The following NELL1 variants were observed in gnomAD, a reference collection of about 807,000 sequenced individuals.
NELL1 encodes the protein protein kinase C-binding protein NELL1.
In NELL1, 76 loss-of-function variants were observed where a neutral mutation model predicts 107.4. The ratio of observed to expected loss-of-function variants is 0.71; its 90% CI spans 0.59 to 0.86. The LOEUF (loss-of-function observed/expected upper bound fraction) is 0.86, where lower values mean the gene tolerates loss of function less well. Among genes scored for constraint, NELL1 ranks in the 40% least tolerant of loss-of-function variants. NELL1 has a pLI of 0.00. For synonymous variants in NELL1, 353 were observed against 341.2 expected (o/e 1.03, Z -0.38); for missense variants, 1,024 against 1,005.5 (o/e 1.02, Z -0.25).
chr11:21,401,514 G>T (rs58178355), intron 15 of NELL1, among the ~76,000 whole-genome samples: 4,900 of 151,806 alleles, frequency 0.032, 324 homozygotes, highest in African/African-American at 0.11. Flanking sequence ...GTTATAACAC[G>T]TTTCCTGTAG....
At chr11:20,701,337 C>T (rs1264881520) in intron 2 of NELL1, among the ~76,000 whole-genome samples, 2 of 152,058 alleles carry the variant, frequency 1.3e-5, no homozygotes, top group Non-Finnish European at 2.9e-5. Context: ...ATATACTTTG[C>T]CCACTTTTTG....
In NELL1 at chr11:21,192,163, G is replaced by T. The variant is rs996569631; in HGVS notation, c.1427-37169G>T. ...CAGGGATGTGTGTTATCTTTTAATT[G>T]CAGCCTTTGCTTATAATGTCTGAAT... On this transcript the variant is annotated intron_variant, in intron 13 of 19. Coordinates refer to ENST00000357134, the MANE Select transcript of NELL1 (RefSeq NM_006157.5). 2.0e-5 allele frequency among the ~76,000 whole-genome samples: 3 copies of T among 151,546 alleles called. No individual in the cohort carries two copies. The East Asian group carries it at 5.8e-4, about 29-fold the overall frequency.
At chr11:21,293,002 A>G (rs1849304319) in intron 14 of NELL1, among the ~76,000 whole-genome samples, 1 of 152,228 alleles carries the variant, frequency 6.6e-6, no homozygotes, top group Non-Finnish European at 1.5e-5. Flanking sequence ...AATACCATTC[A>G]GGACATAGGC....
chr11:20,833,783 A>T (rs918610989), intron 3 of NELL1, among the ~76,000 whole-genome samples: 15 of 152,162 alleles, frequency 9.9e-5, no homozygotes, highest in African/African-American at 3.4e-4. Flanking sequence ...AAATAATGGG[A>T]TAAGAGCCTT....
intron 15 of NELL1, among the ~76,000 whole-genome samples, chr11:21,489,579 G>A (rs886395445): frequency 2.6e-5 from 4 of 151,712 alleles, no homozygotes; most frequent in East Asian, 1.9e-4. Context: ...CCAACAGTAC[G>A]TGAAAAGGAA....
chr11:20,977,961 T>C (rs571478200), intron 12 of NELL1, among the ~76,000 whole-genome samples: 89 of 152,350 alleles, frequency 5.8e-4, no homozygotes, highest in African/African-American at 1.9e-3. Context: ...GAGACTTGCC[T>C]GAGGTCATCT....
chr11:21,122,106 G>T (rs1855380225), intron 13 of NELL1, among the ~76,000 whole-genome samples: 2 of 152,150 alleles, frequency 1.3e-5, no homozygotes, highest in South Asian at 4.1e-4. Flanking sequence ...TGTTATAAAG[G>T]ACCTGAACCA....
chr11:20,756,516 ATTTTTT>A (rs753445309), intron 2 of NELL1, among the ~76,000 whole-genome samples: 2 of 97,326 alleles, frequency 2.1e-5, no homozygotes, highest in Non-Finnish European at 4.1e-5. Context: ...ATTTTTTGTA[ATTTTTT>A]TTTTTTTTTT....
intron 2 of NELL1, among the ~76,000 whole-genome samples, chr11:20,729,821 T>C (rs1312539403): frequency 6.6e-6 from 1 of 152,146 alleles, no homozygotes; most frequent in Non-Finnish European, 1.5e-5. Context: ...TCTCTTCTGC[T>C]GTGGCGGTTG....
In NELL1 at chr11:21,163,733, G is replaced by C. The variant is rs556146517; in HGVS notation, c.1426+50019G>C. 2.6e-5 allele frequency among the ~76,000 whole-genome samples: 4 copies of C among 152,192 alleles called. No homozygotes were observed. In the South Asian group the frequency reaches 8.3e-4, roughly 32 times the overall value. ...TTCTCTTCTTGGCCTGCCTTTTTCT[G>C]TGTCCTCAGATGTTAGAAGTTCTGG... On this transcript the variant is annotated intron_variant, in intron 13 of 19. Transcript: ENST00000357134.
intron 16 of NELL1, among the ~76,000 whole-genome samples, chr11:21,547,509 C>T (rs577503726): frequency 3.6e-4 from 55 of 151,834 alleles, no homozygotes; most frequent in Non-Finnish European, 7.1e-4. Context: ...TTCATAATAT[C>T]AGTGTTATAT....
intron 2 of NELL1, among the ~76,000 whole-genome samples, chr11:20,758,079 G>A (rs1248764047): frequency 1.3e-5 from 2 of 152,092 alleles, no homozygotes; most frequent in South Asian, 2.1e-4. Flanking sequence ...ATTCCATCAC[G>A]ACGGCTTTGT....
chr11:21,154,485 TAA>T (rs1295617073), intron 13 of NELL1, among the ~76,000 whole-genome samples: 3 of 152,210 alleles, frequency 2.0e-5, no homozygotes, highest in Admixed American at 6.5e-5. Context: ...GACTTTATGC[TAA>T]GTTATGAGAC....
At chr11:21,099,759 A>T (rs1854757967) in intron 12 of NELL1, among the ~76,000 whole-genome samples, 1 of 152,158 alleles carries the variant, frequency 6.6e-6, no homozygotes. Context: ...CTGGCATTTG[A>T]ACTATTTGTC....
At position 21,536,392 on chromosome 11, in the gene NELL1, C is replaced by T. The variant is rs112395923; in HGVS notation, c.1786+1878C>T. On this transcript the variant is annotated intron_variant, in intron 16 of 19. Coordinates refer to ENST00000357134, the MANE Select transcript of NELL1 (RefSeq NM_006157.5). ...CTGCACACTTCTCTGCCTTTATATA[C>T]GTTGTCCCTCTGGCTGGGATGAAAC... 3.0e-3 allele frequency among the ~76,000 whole-genome samples: 462 copies of T among 152,264 alleles called. 4 individuals carry two copies. The highest frequency in any genetic ancestry group is 0.01 in the African/African-American group (434 of 41,562).
rs1848924546 is a variant in NELL1 at position 20,858,654 on chromosome 11, A to G, written c.506+10901A>G. Among the ~76,000 whole-genome samples the G allele has an allele frequency of 2.0e-5, 3 of 152,198 alleles. No homozygotes were observed. In the South Asian group the frequency reaches 6.2e-4, roughly 32 times the overall value. On this transcript the variant is annotated intron_variant, in intron 4 of 19. Coordinates refer to ENST00000357134, the MANE Select transcript of NELL1 (RefSeq NM_006157.5). ...TCCAACACCCCTGAAGGCAGAGGGA[A>G]CAGAAAACCTAATCTTATCCATAAA...
At chr11:21,167,559 C>G (rs571409824) in intron 13 of NELL1, among the ~76,000 whole-genome samples, 2 of 151,800 alleles carry the variant, frequency 1.3e-5, no homozygotes, top group Non-Finnish European at 2.9e-5. Context: ...TCTCTTAATC[C>G]TCCTAATCAT....
chr11:21,113,489 C>T (rs1855153655), intron 12 of NELL1, 100 bp from the exon 13 acceptor site: 1 of 1,234,262 alleles, frequency 8.1e-7, no homozygotes, highest in African/African-American at 1.5e-5. Context: ...TTTCTCTTGG[C>T]TTCTATGGAC....
chr11:20,884,751 G>C (rs1849473750), intron 4 of NELL1, among the ~76,000 whole-genome samples: 1 of 152,164 alleles, frequency 6.6e-6, no homozygotes. Context: ...TTCATATATA[G>C]AATTTTTATC....
Sources: gnomAD v4.1 joint callset for allele counts (sites outside exome capture counted in the v4.1 genomes callset) on GRCh38, gnomAD v4.1.1 for gene constraint, MANE v1.5 for transcripts, NCBI Gene and HGNC (gene_info 2026-07-23, HGNC 2026-07-21) for gene names.